Variants in BCAR3 observed in about 807,000 individuals in gnomAD.
The protein encoded by BCAR3 is BCAR3 adaptor protein, NSP family member.
Under a neutral mutation model 80.1 loss-of-function variants are expected in BCAR3, and 37 were observed. The ratio of observed to expected loss-of-function variants is 0.46; its 90% CI spans 0.36 to 0.61. The LOEUF (loss-of-function observed/expected upper bound fraction) is 0.61. Ranked by LOEUF, BCAR3 falls within the 20% of genes least tolerant of loss-of-function variation. The pLI is 0.00. For synonymous variants in BCAR3, 389 were observed against 418.9 expected (o/e 0.93, Z 0.87); for missense variants, 978 against 1,068.2 (o/e 0.92, Z 1.18).
At chr1:93,718,709 T>C (rs1404407086) in intron 2 of BCAR3, among the ~76,000 whole-genome samples, 1 of 114,234 alleles carries the variant, frequency 8.8e-6, no homozygotes, top group African/African-American at 3.3e-5. Flanking sequence ...TTTTTTTTTT[T>C]TTTGAGACGG....
chr1:93,610,570 CA>C, intron 3 of BCAR3, among the ~76,000 whole-genome samples: 1 of 152,336 alleles, frequency 6.6e-6, no homozygotes, highest in African/African-American at 2.4e-5. Flanking sequence ...TGTTCTCTCC[CA>C]ACTGAACTGC....
intron 2 of BCAR3, among the ~76,000 whole-genome samples, chr1:93,832,607 G>T (rs547756475): frequency 6.6e-4 from 100 of 152,256 alleles, no homozygotes; most frequent in African/African-American, 2.3e-3. Context: ...TGGAAGGTAA[G>T]TCCATCCCCT....
intron 1 of BCAR3, among the ~76,000 whole-genome samples, chr1:93,846,100 G>A (rs1437496770): frequency 6.6e-6 from 1 of 152,122 alleles, no homozygotes; most frequent in Admixed American, 6.5e-5. Context: ...ATATTATAAA[G>A]GGGACGGTGG....
intron 2 of BCAR3, among the ~76,000 whole-genome samples, chr1:93,648,158 C>A (rs926009212): frequency 6.6e-6 from 1 of 152,178 alleles, no homozygotes. Flanking sequence ...ATGGGTCAAT[C>A]AAACACGACA....
In BCAR3 at chr1:93,575,622, C is replaced by T. The variant is rs111555794; in HGVS notation, c.1802+392G>A. The stretch of plus-strand genomic sequence containing the variant: ...CCTAATTCCTCAAGCAATCTTAACC[C>T]CCAAAGAGACAAAGGGGCAGCTTGC... On this transcript the variant is annotated intron_variant, in intron 8 of 11. Coordinates refer to ENST00000260502, the MANE Select transcript of BCAR3 (RefSeq NM_003567.4). 7.9e-5 allele frequency among the ~76,000 whole-genome samples: 12 copies of T among 152,298 alleles called. 1 individual carries two copies. The highest frequency in any genetic ancestry group is 2.9e-4 in the African/African-American group (12 of 41,566).
intron 2 of BCAR3, among the ~76,000 whole-genome samples, chr1:93,764,945 T>A (rs1652093530): frequency 1.3e-5 from 2 of 148,364 alleles, no homozygotes; most frequent in Admixed American, 1.3e-4. Context: ...GTAGCACACA[T>A]GTTTGCATCT....
Position 93,811,920 on chromosome 1 carries a change from G to A in BCAR3, c.-63+33647C>T, listed in dbSNP as rs143120594. Among the ~76,000 whole-genome samples the A allele has an allele frequency of 3.8e-3, 572 of 152,216 alleles. 1 individual carries two copies. Among genetic ancestry groups the A allele is most frequent in the African/African-American group, 0.013 (528 of 41,542 alleles). ...CCATTATGAGAGAATTTTATAGCTC[G>A]GAAACTGACATTCGCTACAAATCAG... On this transcript the variant is annotated intron_variant, in intron 2 of 13. Coordinates refer to the BCAR3 transcript ENST00000370244.
rs145380154 is a variant in BCAR3, at chr1:93,803,863, A to G, written c.-63+41704T>C. 2.8e-4 allele frequency among the ~76,000 whole-genome samples: 43 copies of G among 152,338 alleles called. No individual in the cohort carries two copies. In the East Asian group the frequency reaches 8.3e-3, roughly 29 times the overall value. Reference sequence around the variant, plus strand: ...AGAAAATGAAAACAGGGAGCAGTGAAGCAAAGGTGACATTCTTAAAATATG... The same window carrying G: ...AGAAAATGAAAACAGGGAGCAGTGAGGCAAAGGTGACATTCTTAAAATATG... On this transcript the variant is annotated intron_variant, in intron 2 of 13. Coordinates refer to the BCAR3 transcript ENST00000370244.
chr1:93,602,787 C>G (rs978801127), intron 3 of BCAR3, among the ~76,000 whole-genome samples: 1 of 152,162 alleles, frequency 6.6e-6, no homozygotes, highest in Non-Finnish European at 1.5e-5. Flanking sequence ...AAACCCTGCC[C>G]GAAGCTGAAA....
chr1:93,845,502 A>ATATCAATATCATGTTGTCAAG, intron 2 of BCAR3: 12 of 113,826 alleles, frequency 1.1e-4, no homozygotes, highest in African/African-American at 4.2e-4. Context: ...ATATATATAT[A>ATATCAATATCATGTTGTCAAG]AAACTTTGTT....
chr1:93,612,543 T>C (rs937231180), intron 3 of BCAR3, among the ~76,000 whole-genome samples: 1 of 152,188 alleles, frequency 6.6e-6, no homozygotes, highest in African/African-American at 2.4e-5. Flanking sequence ...GAGTTGCACT[T>C]CACTGAATTA....
intron 2 of BCAR3, among the ~76,000 whole-genome samples, chr1:93,718,685 T>C (rs1053403000): frequency 7.6e-6 from 1 of 130,850 alleles, no homozygotes; most frequent in Non-Finnish European, 1.6e-5. Context: ...CTACATTGTT[T>C]TTCTTTTTTT....
intron 3 of BCAR3, among the ~76,000 whole-genome samples, chr1:93,627,668 A>T (rs1675492319): frequency 6.6e-6 from 1 of 152,258 alleles, no homozygotes; most frequent in African/African-American, 2.4e-5. Context: ...TTTTAAATGA[A>T]TTACATGAAA....
At chr1:93,763,213 G>A (rs985090448) in intron 2 of BCAR3, among the ~76,000 whole-genome samples, 11 of 152,126 alleles carry the variant, frequency 7.2e-5, no homozygotes, top group African/African-American at 1.7e-4. Context: ...ACAGGTGCAC[G>A]TCACCACACA....
chr1:93,715,211 G>A (rs1217816857), intron 2 of BCAR3, among the ~76,000 whole-genome samples: 1 of 152,126 alleles, frequency 6.6e-6, no homozygotes, highest in Non-Finnish European at 1.5e-5. Context: ...CTGATGTCTG[G>A]CAGTTCATCA....
chr1:93,567,705 G>A (rs1557834191), intron 10 of BCAR3, 35 bp downstream of exon 10: 1 of 1,576,728 alleles, frequency 6.3e-7, no homozygotes. Context: ...CTCCCCAGCG[G>A]GGTAGCCCCA....
At chr1:93,711,270 G>A (rs971016265) in intron 2 of BCAR3, among the ~76,000 whole-genome samples, 1 of 152,204 alleles carries the variant, frequency 6.6e-6, no homozygotes, top group Non-Finnish European at 1.5e-5. Flanking sequence ...GTGGGAGGCT[G>A]GCTTAATTAT....
rs1038500450 is a variant in BCAR3, at chr1:93,673,133, C to T, written c.317+1481G>A. Among the ~76,000 whole-genome samples, 22 of 152,258 alleles carry T rather than the reference C, an allele frequency of 1.4e-4. 3 individuals are homozygous for T. Among genetic ancestry groups the T allele is most frequent in the Admixed American group, 7.8e-4 (12 of 15,292 alleles). On this transcript the variant is annotated intron_variant, in intron 2 of 11. Coordinates refer to ENST00000260502, the MANE Select transcript of BCAR3 (RefSeq NM_003567.4). ...CCTGTTCATCCTACCAAAAACGTAC[C>T]ACCTCCAATAAATCTCCAGCATATC...
At chr1:93,807,430 A>G (rs1653693126) in intron 2 of BCAR3, among the ~76,000 whole-genome samples, 1 of 152,126 alleles carries the variant, frequency 6.6e-6, no homozygotes, top group Non-Finnish European at 1.5e-5. Context: ...TGTGGGAGTA[A>G]ATGATTTTCA....
Sources: allele counts gnomAD v4.1 joint callset (sites outside exome capture counted in the v4.1 genomes callset), GRCh38; gene constraint gnomAD v4.1.1; transcripts MANE v1.5; gene names NCBI Gene and HGNC (gene_info 2026-07-23, HGNC 2026-07-21).